The following PTPRM variants were observed in gnomAD, a reference collection of about 807,000 sequenced individuals.
The protein encoded by PTPRM is receptor-type tyrosine-protein phosphatase mu.
PTPRM carries 47 observed loss-of-function variants against 186.7 expected under a neutral mutation model. The observed-to-expected ratio is 0.25, with a 90% CI of 0.20 to 0.32. The LOEUF (loss-of-function observed/expected upper bound fraction) is 0.32, where lower values mean the gene tolerates loss of function less well. PTPRM is among the 10% of genes least tolerant of loss of function. The probability of loss-of-function intolerance (pLI) is 1.00; values close to 1 mark genes in which losing one functional copy is unlikely to be tolerated. For missense variants in PTPRM, 1,494 were observed against 1,865.0 expected (o/e 0.80, Z 3.66); for synonymous variants, 668 against 674.9 (o/e 0.99, Z 0.16).
intron 8 of PTPRM, among the ~76,000 whole-genome samples, chr18:8,071,266 C>T (rs898606390): frequency 6.6e-6 from 1 of 152,184 alleles, no homozygotes; most frequent in South Asian, 2.1e-4. Flanking sequence ...ATGGCTGGCT[C>T]CTTCCTGCCT....
chr18:8,044,765 A>AG (rs1402425999), intron 7 of PTPRM, among the ~76,000 whole-genome samples: 1 of 151,064 alleles, frequency 6.6e-6, no homozygotes, highest in Non-Finnish European at 1.5e-5. Context: ...TCAAAAAAAA[A>AG]AAAAAAAAGA....
In PTPRM at chr18:8,338,512, A is replaced by G. The variant is rs146478715; in HGVS notation, c.2957-4911A>G. Among the ~76,000 whole-genome samples the G allele has an allele frequency of 1.1e-4, 16 of 152,200 alleles. No homozygotes were observed. The East Asian group carries it at 3.1e-3, about 29-fold the overall frequency. ...CTTCTGAGTTGCTTCCGATGTTCAA[A>G]TGAGGCGGTATGATGTAATGCAGTC... On this transcript the variant is annotated intron_variant, in intron 22 of 32. Coordinates refer to ENST00000580170, the MANE Select transcript of PTPRM (RefSeq NM_001105244.2).
intron 14 of PTPRM, among the ~76,000 whole-genome samples, chr18:8,153,582 A>T (rs1386382116): frequency 1.3e-5 from 2 of 152,228 alleles, no homozygotes; most frequent in Non-Finnish European, 2.9e-5. Flanking sequence ...CCAGTATACC[A>T]TGCTCAGAAA....
At chr18:7,766,832 G>C (rs1204022940) in intron 1 of PTPRM, among the ~76,000 whole-genome samples, 1 of 152,220 alleles carries the variant, frequency 6.6e-6, no homozygotes, top group East Asian at 1.9e-4. Flanking sequence ...TTAGAGCTAA[G>C]AGGTGTAATA....
intron 1 of PTPRM, among the ~76,000 whole-genome samples, chr18:7,646,964 G>C: frequency 6.6e-6 from 1 of 152,082 alleles, no homozygotes; most frequent in East Asian, 1.9e-4. Context: ...AAGGAGAAAC[G>C]GGTTTCTGCT....
At chr18:8,319,951 A>T (rs1384664169) in intron 22 of PTPRM, among the ~76,000 whole-genome samples, 1 of 152,116 alleles carries the variant, frequency 6.6e-6, no homozygotes, top group Admixed American at 6.5e-5. Context: ...CCAGCGTATG[A>T]AGTGGGTCAT....
chr18:7,861,497 A>G (rs959297113), intron 2 of PTPRM, among the ~76,000 whole-genome samples: 20 of 152,200 alleles, frequency 1.3e-4, no homozygotes, highest in African/African-American at 4.6e-4. Flanking sequence ...ACTTGTACAT[A>G]ATCAGCATTT....
At chr18:7,797,385 C>T (rs2043717232) in intron 2 of PTPRM, among the ~76,000 whole-genome samples, 1 of 152,184 alleles carries the variant, frequency 6.6e-6, no homozygotes, top group Non-Finnish European at 1.5e-5. Flanking sequence ...TTCTCTATTG[C>T]ATTTGATGTG....
At chr18:8,237,431 A>ATTTTTTTTTTTTTTTTTTTT (rs59073560) in intron 14 of PTPRM, among the ~76,000 whole-genome samples, 1 of 71,666 alleles carries the variant, frequency 1.4e-5, no homozygotes, top group African/African-American at 5.0e-5. Context: ...GATTCCCTCA[A>ATTTTTTTTTTTTTTTTTTTT]TTTTTTTTTT....
intron 24 of PTPRM, among the ~76,000 whole-genome samples, chr18:8,375,752 T>A (rs1228425510): frequency 6.6e-6 from 1 of 152,248 alleles, no homozygotes; most frequent in Non-Finnish European, 1.5e-5. Context: ...GTCTACTTTT[T>A]AGAAAGGAAT....
intron 19 of PTPRM, among the ~76,000 whole-genome samples, chr18:8,289,772 G>C (rs1330356105): frequency 6.6e-6 from 1 of 151,728 alleles, no homozygotes; most frequent in African/African-American, 2.4e-5. Context: ...GAAAAATTCT[G>C]CACAATTTCA....
chr18:7,632,598 C>G (rs965390803), intron 1 of PTPRM, among the ~76,000 whole-genome samples: 2 of 152,194 alleles, frequency 1.3e-5, no homozygotes, highest in African/African-American at 4.8e-5. Context: ...CTGAAAAAGG[C>G]TCCCTGAGCT....
intron 4 of PTPRM, among the ~76,000 whole-genome samples, chr18:7,917,544 T>A (rs1250575859): frequency 1.3e-5 from 2 of 151,960 alleles, no homozygotes; most frequent in East Asian, 1.9e-4. Flanking sequence ...TAAAAAAATA[T>A]ATACTTTTTT....
At chr18:7,777,509 A>G (rs1325826519) in intron 2 of PTPRM, among the ~76,000 whole-genome samples, 1 of 152,162 alleles carries the variant, frequency 6.6e-6, no homozygotes, top group East Asian at 1.9e-4. Context: ...AAAGCGTAAG[A>G]TATTTATGCC....
chr18:7,794,626 TCA>T (rs2043520493), intron 2 of PTPRM, among the ~76,000 whole-genome samples: 1 of 152,206 alleles, frequency 6.6e-6, no homozygotes, highest in Admixed American at 6.5e-5. Context: ...AATATGTTCA[TCA>T]TATCGCCAAA....
intron 7 of PTPRM, among the ~76,000 whole-genome samples, chr18:8,067,110 T>A (rs1417482812): frequency 6.6e-6 from 1 of 152,234 alleles, no homozygotes; most frequent in Non-Finnish European, 1.5e-5. Flanking sequence ...TAAACTAATA[T>A]CTGAAGCCTT....
chr18:8,388,155 T>TATGTAGCTG (rs1347214483), intron 31 of PTPRM, among the ~76,000 whole-genome samples: 1 of 152,210 alleles, frequency 6.6e-6, no homozygotes, highest in African/African-American at 2.4e-5. Context: ...ATGTAGCTAA[T>TATGTAGCTG]CAACCAGCTG....
At chr18:8,200,031 T>A (rs548810765) in intron 14 of PTPRM, among the ~76,000 whole-genome samples, 3 of 152,192 alleles carry the variant, frequency 2.0e-5, no homozygotes, top group African/African-American at 7.2e-5. Context: ...AAAAGAGACT[T>A]TACAACTGTC....
At chr18:7,864,142 A>T (rs892019224) in intron 2 of PTPRM, among the ~76,000 whole-genome samples, 18 of 152,126 alleles carry the variant, frequency 1.2e-4, no homozygotes, top group African/African-American at 4.3e-4. Flanking sequence ...TCCATTCTGT[A>T]GGTTGCCTGT....
Sources: allele counts gnomAD v4.1 joint callset (sites outside exome capture counted in the v4.1 genomes callset), GRCh38; gene constraint gnomAD v4.1.1; transcripts MANE v1.5; gene names NCBI Gene and HGNC (gene_info 2026-07-23, HGNC 2026-07-21).